APC: variants seen among roughly 807,000 people sequenced by gnomAD.
APC encodes the protein APC regulator of Wnt signaling pathway, also known as adenomatous polyposis coli protein.
APC carries 72 observed loss-of-function variants against 247.0 expected under a neutral mutation model. The ratio of observed to expected loss-of-function variants is 0.29; its 90% CI spans 0.24 to 0.35. The LOEUF (loss-of-function observed/expected upper bound fraction) is 0.35. Ranked by LOEUF, APC falls within the 10% of genes least tolerant of loss-of-function variation. The pLI is 1.00. For synonymous variants in APC, 1,254 were observed against 1,162.5 expected (o/e 1.08, Z -1.60); for missense variants, 3,400 against 3,360.7 (o/e 1.01, Z -0.29).
At chr5:112,744,937 G>C (rs1475353593) in intron 1 of APC, among the ~76,000 whole-genome samples, 2 of 152,134 alleles carry the variant, frequency 1.3e-5, no homozygotes, top group Admixed American at 6.5e-5. Context: ...CTGTTTTGGA[G>C]TTCCATTTTT....
At chr5:112,709,593 C>G (rs1457136045) in intron 1 of APC, among the ~76,000 whole-genome samples, 4 of 152,184 alleles carry the variant, frequency 2.6e-5, no homozygotes, top group Non-Finnish European at 5.9e-5. Context: ...CATCTGACCA[C>G]AAACTCTTTA....
intron 1 of APC, among the ~76,000 whole-genome samples, chr5:112,725,115 C>T (rs1561407609): frequency 6.6e-6 from 1 of 152,100 alleles, no homozygotes; most frequent in East Asian, 1.9e-4. Context: ...TCCCCAGTTA[C>T]AGACACGTGC....
Position 112,767,186 on chromosome 5 carries a change from T to TA in APC, c.221-2dup. 6.2e-7 allele frequency: 1 copy of TA among 1,611,968 alleles called. No homozygotes were observed. Among genetic ancestry groups the TA allele is most frequent in the South Asian group, 1.1e-5 (1 of 91,044 alleles). On this transcript the variant is annotated splice_polypyrimidine_tract_variant and splice_region_variant and intron_variant, in intron 3 of 15. Transcript: ENST00000257430. ...TATAAAAACTTGTTTCTATTTTATT[T>TA]AGAGCTTAACTTAGATAGCAGTAAT...
rs1554082079 is a variant in APC at position 112,828,853 on chromosome 5, C to T, written c.1627-3C>T. 6.3e-7 allele frequency: 1 copy of T among 1,586,106 alleles called. No homozygotes were observed. The highest frequency in any genetic ancestry group is 1.7e-5 in the Admixed American group (1 of 59,950). ...AATTAATCTAAAATTGATTAATTTG[C>T]AGGTTATTGCGAGTGTTTTGAGGAA... is the stretch of plus-strand genomic sequence containing the variant. On this transcript the variant is annotated splice_polypyrimidine_tract_variant and splice_region_variant and intron_variant, in intron 13 of 15. Coordinates refer to ENST00000257430, the MANE Select transcript of APC (RefSeq NM_000038.6).
At chr5:112,811,981 A>G (rs1245221600) in intron 8 of APC, among the ~76,000 whole-genome samples, 2 of 152,156 alleles carry the variant, frequency 1.3e-5, no homozygotes, top group Non-Finnish European at 2.9e-5. Flanking sequence ...TCAGATCCTC[A>G]TTGGATGTCA....
intron 1 of APC, among the ~76,000 whole-genome samples, chr5:112,742,687 T>C (rs1201084984): frequency 6.6e-6 from 1 of 152,208 alleles, no homozygotes; most frequent in Non-Finnish European, 1.5e-5. Flanking sequence ...TCAATGATTC[T>C]AACAGAAAGG....
At chr5:112,757,773 G>T (rs572317464) in intron 2 of APC, among the ~76,000 whole-genome samples, 1 of 152,252 alleles carries the variant, frequency 6.6e-6, no homozygotes, top group South Asian at 2.1e-4. Flanking sequence ...TTATGTAGTA[G>T]TACCATCTAG....
chr5:112,830,451 G>C (rs568617220), intron 14 of APC, among the ~76,000 whole-genome samples: 2 of 152,192 alleles, frequency 1.3e-5, no homozygotes, highest in African/African-American at 4.8e-5. Flanking sequence ...TATTCTGCTA[G>C]TGGGAATATA....
Position 112,839,001 on chromosome 5 carries a change from A to C in APC, c.3407A>C (p.Glu1136Ala), listed in dbSNP as rs878853439. The C allele has an allele frequency of 6.2e-7, 1 of 1,614,148 alleles. No homozygotes were observed. The highest frequency in any genetic ancestry group is 8.5e-7 in the Non-Finnish European group (1 of 1,180,018). ...TCTTTGTGTCAAGAAGATGACTATG[A>C]AGATGATAAGCCTACCAATTATAGT... ...SQSLCQEDDY[E>A]DDKPTNYSER... Residue 1136 changes from glutamate (E) to alanine (A), a missense_variant, in exon 16 of 16, where the codon GAA becomes GCA. Transcript: ENST00000257430. This position sits in a 1 kb window ranked among gnomAD's most constrained non-coding sequence, Gnocchi z 5.0.
intron 1 of APC, among the ~76,000 whole-genome samples, chr5:112,714,363 C>T (rs915297381): frequency 1.3e-5 from 2 of 152,256 alleles, no homozygotes; most frequent in African/African-American, 4.8e-5. Context: ...TTAGCAAATG[C>T]TTTGCCTTTT....
chr5:112,842,294 C>T lies in APC; in HGVS notation c.6700C>T (p.Pro2234Ser), dbSNP rs749507584. 2.0e-5 allele frequency: 32 copies of T among 1,613,730 alleles called. No homozygotes were observed. The highest frequency in any genetic ancestry group is 2.5e-5 in the Non-Finnish European group (29 of 1,179,830). The change falls in exon 16 of 16, where the codon CCA (proline) becomes TCA (serine). Residue 2234 changes from proline to serine, a missense_variant. By Grantham distance (74) the Pro-to-Ser change is moderately conservative. Transcript: ENST00000257430. The part of the protein sequence containing the change: ...ISRGRTMIHI[P>S]GVRNSSSSTS... Reference sequence around the variant, plus strand: ...TCGAGGCAGGACAATGATTCATATTCCAGGAGTTCGAAATAGCTCCTCAAG... The same window carrying T: ...TCGAGGCAGGACAATGATTCATATTTCAGGAGTTCGAAATAGCTCCTCAAG...
chr5:112,745,130 G>GTA (rs10692763), intron 1 of APC, among the ~76,000 whole-genome samples: 80,660 of 151,718 alleles, frequency 0.53, 22,015 homozygotes, highest in East Asian at 0.8. Context: ...ATAATATGCT[G>GTA]GTCAGTTATA....
chr5:112,824,221 G>A (rs1209463031), intron 11 of APC, among the ~76,000 whole-genome samples: 1 of 152,150 alleles, frequency 6.6e-6, no homozygotes, highest in Non-Finnish European at 1.5e-5. Flanking sequence ...CAAGAAAATT[G>A]TAGAAGGACA....
intron 1 of APC, among the ~76,000 whole-genome samples, chr5:112,713,180 A>C (rs1750960644): frequency 6.6e-6 from 1 of 151,934 alleles, no homozygotes. Context: ...CAAAAAAAAA[A>C]AAAAAACCAG....
rs199822442 is a variant in APC, at chr5:112,782,323, C to T, written c.645+1420C>T. On this transcript the variant is annotated intron_variant, in intron 6 of 15. Coordinates refer to ENST00000257430, the MANE Select transcript of APC (RefSeq NM_000038.6). ...TTTAATTATCTCCCACTGGGTCCCT[C>T]CCACAACACATGGGAGCTGCAAGAT... Among the ~76,000 whole-genome samples the T allele has an allele frequency of 2.0e-5, 3 of 152,260 alleles. No homozygotes were observed. The East Asian group carries it at 5.8e-4, about 29-fold the overall frequency.
chr5:112,800,078 C>T (rs1487407882), intron 7 of APC, among the ~76,000 whole-genome samples: 1 of 152,184 alleles, frequency 6.6e-6, no homozygotes, highest in Non-Finnish European at 1.5e-5. Flanking sequence ...TTGACAGTGT[C>T]CCTGACTAAA....
intron 6 of APC, among the ~76,000 whole-genome samples, chr5:112,791,977 G>A (rs946301362): frequency 2.6e-5 from 4 of 152,144 alleles, no homozygotes; most frequent in Non-Finnish European, 5.9e-5. Flanking sequence ...CGGGCACAGT[G>A]GCTCACGCCT....
chr5:112,777,284 G>A (rs546203238), intron 5 of APC, among the ~76,000 whole-genome samples: 129 of 148,208 alleles, frequency 8.7e-4, no homozygotes, highest in African/African-American at 3.0e-3. Context: ...ACACACACAC[G>A]AAAAAAAAAC....
At chr5:112,708,417 G>A (rs938024787) in intron 1 of APC, among the ~76,000 whole-genome samples, 2 of 152,184 alleles carry the variant, frequency 1.3e-5, no homozygotes, top group African/African-American at 4.8e-5. Context: ...ACCAAGTAGA[G>A]GAATGGTGCC....
Sources: gnomAD v4.1 joint callset for allele counts (sites outside exome capture counted in the v4.1 genomes callset) on GRCh38, gnomAD v4.1.1 for gene constraint, Gnocchi (gnomAD v3.1) non-coding constraint, MANE v1.5 for transcripts, NCBI Gene and HGNC (gene_info 2026-07-23, HGNC 2026-07-21) for gene names.